LIMD1: variants seen among roughly 807,000 people sequenced by gnomAD.
The protein encoded by LIMD1 is LIM domain containing 1.
Under a neutral mutation model 58.4 loss-of-function variants are expected in LIMD1, and 23 were observed. The ratio of observed to expected loss-of-function variants is 0.39; its 90% CI spans 0.28 to 0.56. LIMD1 has a LOEUF of 0.56. Ranked by LOEUF, LIMD1 falls within the 20% of genes least tolerant of loss-of-function variation. The probability of loss-of-function intolerance (pLI) is 0.57; values close to 1 mark genes in which losing one functional copy is unlikely to be tolerated. For missense variants in LIMD1, 838 were observed against 855.5 expected (o/e 0.98, Z 0.25); for synonymous variants, 334 against 345.5 (o/e 0.97, Z 0.37).
chr3:45,634,621 G>A (rs902961596), intron 1 of LIMD1, among the ~76,000 whole-genome samples: 5 of 152,204 alleles, frequency 3.3e-5, no homozygotes, highest in African/African-American at 4.8e-5. Flanking sequence ...GTAACCCTAC[G>A]AGGGGGCCAC....
intron 1 of LIMD1, among the ~76,000 whole-genome samples, chr3:45,615,148 A>G (rs1701564608): frequency 6.6e-6 from 1 of 152,188 alleles, no homozygotes; most frequent in African/African-American, 2.4e-5. Context: ...TGAAGACCCA[A>G]AGCAGTGGCA....
chr3:45,629,273 C>A (rs1701702798), intron 1 of LIMD1, among the ~76,000 whole-genome samples: 2 of 151,922 alleles, frequency 1.3e-5, no homozygotes, highest in Non-Finnish European at 2.9e-5. Flanking sequence ...ATTAGCCAGG[C>A]CTGGTGGCAC....
chr3:45,596,315 A>T lies in LIMD1; in HGVS notation c.1408+28A>T, dbSNP rs751417292. 3 of 1,538,382 alleles carry T rather than the reference A, an allele frequency of 2.0e-6. No homozygotes were observed. In the African/African-American group the frequency reaches 4.1e-5, roughly 21 times the overall value. ...GAGTGAGAGGCTGGTGGAGTTGCCT[A>T]TGGTGGGGCGATGGGGTTCTTGAGA... On this transcript the variant is annotated intron_variant, in intron 1 of 7. Coordinates refer to ENST00000273317, the MANE Select transcript of LIMD1 (RefSeq NM_014240.3).
intron 2 of LIMD1, among the ~76,000 whole-genome samples, chr3:45,656,841 C>T (rs575376001): frequency 2.0e-5 from 3 of 152,320 alleles, no homozygotes; most frequent in Admixed American, 6.5e-5. Context: ...ACTGCCCAAA[C>T]GTCAGGGCAC....
At chr3:45,623,494 CA>C (rs1701644966) in intron 1 of LIMD1, among the ~76,000 whole-genome samples, 1 of 152,140 alleles carries the variant, frequency 6.6e-6, no homozygotes, top group Admixed American at 6.6e-5. Flanking sequence ...AGGGCAAGCT[CA>C]AGCTCACAGT....
At chr3:45,603,357 C>G (rs59064630) in intron 1 of LIMD1, among the ~76,000 whole-genome samples, 2,922 of 152,178 alleles carry the variant, frequency 0.019, 88 homozygotes, top group African/African-American at 0.066. Flanking sequence ...CCTCCCATAT[C>G]AGGCATTTCA....
chr3:45,631,153 G>A (rs568400447), intron 1 of LIMD1, among the ~76,000 whole-genome samples: 3 of 152,172 alleles, frequency 2.0e-5, no homozygotes, highest in East Asian at 1.9e-4. Flanking sequence ...ACAGGTAGCC[G>A]AGATCGCATG....
At chr3:45,673,979 C>A (rs1221029054) in intron 6 of LIMD1, 1 of 274,214 alleles carries the variant, frequency 3.6e-6, no homozygotes, top group Non-Finnish European at 7.0e-6. Flanking sequence ...ACCCAGTACC[C>A]TTCTTGTGCT....
In LIMD1 at chr3:45,594,989, A is replaced by G; in HGVS notation, c.110A>G (p.Asn37Ser). The part of the protein sequence containing the change: ...GLFRVDKGAG[N>S]NPEFEETRRV... ...TTCCGAGTGGACAAGGGTGCAGGCA[A>G]CAACCCCGAGTTTGAGGAAACTCGC... is the stretch of plus-strand genomic sequence containing the variant. The change falls in exon 1 of 8, where the codon AAC becomes AGC. Residue 37 changes from asparagine (N) to serine (S), a missense_variant. By Grantham distance (46) the Asn-to-Ser change is conservative. Around this residue, in one of 3 missense-constraint regions of LIMD1, gnomAD observed 659 missense variants for 639.8 expected, o/e 1.03. Transcript: ENST00000273317. The G allele has an allele frequency of 1.2e-6, 2 of 1,614,086 alleles. No individual in the cohort carries two copies. Among genetic ancestry groups the G allele is most frequent in the Non-Finnish European group, 8.5e-7 (1 of 1,180,050 alleles).
At chr3:45,665,223 T>C (rs1434363241) in intron 2 of LIMD1, among the ~76,000 whole-genome samples, 1 of 151,820 alleles carries the variant, frequency 6.6e-6, no homozygotes, top group Non-Finnish European at 1.5e-5. Context: ...TGATAGGCGG[T>C]CACAATGGTC....
chr3:45,594,797 A>ACACACACACACACCACACACAC lies in LIMD1; in HGVS notation c.-70_-69insCACACACACCACACACACACAC. 7.7e-6 allele frequency: 1 copy of ACACACACACACACCACACACAC among 129,656 alleles called. No individual in the cohort carries two copies. The highest frequency in any genetic ancestry group is 1.3e-5 in the Non-Finnish European group (1 of 74,730). 8.0% of individuals were successfully genotyped at this position (129,656 alleles called of 1,614,324 possible). A position where few individuals can be genotyped will look rare whatever the true frequency, so the allele number is the denominator to read the frequency against. ...GCCCTCAACACACACACACACACAC[A>ACACACACACACACCACACACAC]CACACACACACACACACACACACAC... On this transcript the variant is annotated 5_prime_UTR_variant, in exon 1 of 8. Transcript: ENST00000273317.
Position 45,676,939 on chromosome 3 carries a change from C to G in LIMD1, c.1911C>G (p.Leu637=). The change falls in exon 8 of 8, where the codon CTC becomes CTG. Residue 637 remains leucine, a synonymous_variant. Transcript: ENST00000273317. ...CYHCEDCGLE[L]NDEDGHRCYP... is the part of the protein sequence containing the mutation. ...CCCCACAGGACTGTGGTCTGGAGCT[C>G]AATGATGAAGATGGCCACCGCTGTT... The G allele has an allele frequency of 6.2e-7, 1 of 1,614,170 alleles. No individual in the cohort carries two copies. Among genetic ancestry groups the G allele is most frequent in the Non-Finnish European group, 8.5e-7 (1 of 1,180,012 alleles).
chr3:45,635,271 G>A (rs1370976010), intron 1 of LIMD1, among the ~76,000 whole-genome samples: 1 of 152,092 alleles, frequency 6.6e-6, no homozygotes, highest in Non-Finnish European at 1.5e-5. Flanking sequence ...CTCGATGGAT[G>A]ATCTCCCTAT....
At chr3:45,625,059 A>G (rs1376089808) in intron 1 of LIMD1, among the ~76,000 whole-genome samples, 2 of 151,452 alleles carry the variant, frequency 1.3e-5, no homozygotes, top group Admixed American at 6.6e-5. Flanking sequence ...GCAGTTGACC[A>G]GTTTTGCCGT....
intron 2 of LIMD1, among the ~76,000 whole-genome samples, chr3:45,656,294 G>C (rs1043958022): frequency 6.6e-6 from 1 of 152,190 alleles, no homozygotes; most frequent in African/African-American, 2.4e-5. Context: ...CCCTTAGTCT[G>C]AGAGATATTC....
rs1701318265 is a variant in LIMD1 at position 45,594,801 on chromosome 3, A to ACACACACACACACAC, written c.-78_-64dup. The ACACACACACACACAC allele has an allele frequency of 1.9e-4, 33 of 172,196 alleles. No homozygotes were observed. The East Asian group carries it at 2.3e-3, about 12-fold the overall frequency. The allele number at this position is 172,196 out of a possible 1,614,324, so 10.7% of individuals were successfully genotyped here. A position where few individuals can be genotyped will look rare whatever the true frequency, so the allele number is the denominator to read the frequency against. On this transcript the variant is annotated 5_prime_UTR_variant, in exon 1 of 8. Coordinates refer to ENST00000273317, the MANE Select transcript of LIMD1 (RefSeq NM_014240.3). Reference sequence around the variant, plus strand: ...TCAACACACACACACACACACACACACACACACACACACACACACACACAC... The same window carrying ACACACACACACACAC: ...TCAACACACACACACACACACACACACACACACACACACACCACACACACACACACACACACACAC...
At chr3:45,624,517 C>T (rs1701652189) in intron 1 of LIMD1, among the ~76,000 whole-genome samples, 1 of 151,980 alleles carries the variant, frequency 6.6e-6, no homozygotes, top group Admixed American at 6.6e-5. Flanking sequence ...ACCATCCTGG[C>T]TAAACAGTGA....
intron 2 of LIMD1, among the ~76,000 whole-genome samples, chr3:45,646,861 C>A (rs1369562610): frequency 6.6e-6 from 1 of 151,916 alleles, no homozygotes; most frequent in African/African-American, 2.4e-5. Flanking sequence ...AGTTGGAGTC[C>A]CACTATGTTG....
intron 1 of LIMD1, among the ~76,000 whole-genome samples, chr3:45,631,488 C>A (rs1274200238): frequency 6.6e-6 from 1 of 152,136 alleles, no homozygotes; most frequent in Non-Finnish European, 1.5e-5. Context: ...CTTCCTCACT[C>A]TGTGACCCAT....
Sources: gnomAD v4.1 joint callset for allele counts (sites outside exome capture counted in the v4.1 genomes callset) on GRCh38, gnomAD v4.1.1 for gene constraint, gnomAD v4.1.1 regional missense constraint, MANE v1.5 for transcripts, NCBI Gene and HGNC (gene_info 2026-07-23, HGNC 2026-07-21) for gene names.